The following FRMD6 variants were observed in gnomAD, a reference collection of about 807,000 sequenced individuals.
FRMD6 encodes FERM domain-containing protein 6.
Under a neutral mutation model 73.2 loss-of-function variants are expected in FRMD6, and 37 were observed. That is an observed-to-expected ratio of 0.51 (90% CI 0.39 to 0.66). The LOEUF is 0.66. Ranked by LOEUF, FRMD6 falls within the 30% of genes least tolerant of loss-of-function variation. The pLI, the probability that FRMD6 is intolerant of heterozygous loss-of-function variation, is 0.00. For missense variants in FRMD6, 714 were observed against 780.5 expected (o/e 0.91, Z 1.02); for synonymous variants, 273 against 282.2 (o/e 0.97, Z 0.33).
intron 2 of FRMD6, among the ~76,000 whole-genome samples, chr14:51,641,221 T>G (rs1445225286): frequency 6.6e-6 from 1 of 152,200 alleles, no homozygotes; most frequent in Non-Finnish European, 1.5e-5. Flanking sequence ...CCTCAAGTGA[T>G]CCATTCGCCT....
chr14:51,585,939 G>GTGTGTGTGTGTGTGTGTATA lies in FRMD6; in HGVS notation c.-147+15530_-147+15531insGTGTGTGTGTGTGTGTATAT. ...TGCCATGGCATGTGTGTGTGTGTGT[G>GTGTGTGTGTGTGTGTGTATA]TATATATATATATATATATATAACA... On this transcript the variant is annotated intron_variant, in intron 2 of 14. Transcript: ENST00000356218. 7.2e-3 allele frequency among the ~76,000 whole-genome samples: 227 copies of GTGTGTGTGTGTGTGTGTATA among 31,392 alleles called. 33 individuals are homozygous for GTGTGTGTGTGTGTGTGTATA. The highest frequency in any genetic ancestry group is 0.018 in the Non-Finnish European group (189 of 10,374). 20.6% of individuals were successfully genotyped at this position (31,392 alleles called of 152,430 possible).
upstream of FRMD6, among the ~76,000 whole-genome samples, chr14:51,488,102 C>T (rs116498708): frequency 0.02 from 3,017 of 152,222 alleles, 108 homozygotes; most frequent in African/African-American, 0.069. Flanking sequence ...CACCAGCAGC[C>T]CTAGGCTCTG....
At chr14:51,606,861 T>A (rs1890279102) in intron 2 of FRMD6, among the ~76,000 whole-genome samples, 1 of 152,116 alleles carries the variant, frequency 6.6e-6, no homozygotes, top group Non-Finnish European at 1.5e-5. Flanking sequence ...ATGCTCAGTC[T>A]GAGGCCAAAG....
chr14:51,568,613 A>G (rs1009104112), intron 1 of FRMD6, among the ~76,000 whole-genome samples: 2 of 152,200 alleles, frequency 1.3e-5, no homozygotes, highest in Non-Finnish European at 2.9e-5. Context: ...AGGCTGCCCA[A>G]GGATGGTTCT....
At chr14:51,452,863 A>G in the FRMD6 span, among the ~76,000 whole-genome samples, 2 of 152,206 alleles carry the variant, frequency 1.3e-5, no homozygotes. Flanking sequence ...GGTCAACGGC[A>G]AGGAAGATGT....
intron 1 of FRMD6, among the ~76,000 whole-genome samples, chr14:51,683,029 C>T (rs980103933): frequency 7.5e-4 from 114 of 152,156 alleles, no homozygotes; most frequent in African/African-American, 2.7e-3. Context: ...CACATTTCAA[C>T]CCATACACCC....
chr14:51,725,954 C>A, intron 13 of FRMD6, 84 bp downstream of exon 13: 1 of 910,774 alleles, frequency 1.1e-6, no homozygotes, highest in Non-Finnish European at 1.8e-6. Flanking sequence ...TACAAATGAG[C>A]AAAAATTAAA....
At chr14:51,468,187 A>G in the FRMD6 span, among the ~76,000 whole-genome samples, 1 of 151,870 alleles carries the variant, frequency 6.6e-6, no homozygotes, top group Non-Finnish European at 1.5e-5. Flanking sequence ...GGCACTCGGC[A>G]GGCTGAGGCA....
chr14:51,544,430 T>A (rs1423142868), intron 1 of FRMD6, among the ~76,000 whole-genome samples: 1 of 152,090 alleles, frequency 6.6e-6, no homozygotes, highest in African/African-American at 2.4e-5. Context: ...CAGAGCCACA[T>A]CAGTTATTAG....
intron 2 of FRMD6, among the ~76,000 whole-genome samples, chr14:51,690,975 A>C (rs960750184): frequency 6.6e-6 from 1 of 152,226 alleles, no homozygotes; most frequent in Non-Finnish European, 1.5e-5. Context: ...TGTTTGAGAT[A>C]TAAAACATTT....
chr14:51,529,370 C>CTCA (rs1885450076), intron 1 of FRMD6, among the ~76,000 whole-genome samples: 1 of 152,152 alleles, frequency 6.6e-6, no homozygotes. Flanking sequence ...ATTAAATGAG[C>CTCA]TCATACATGT....
At chr14:51,449,109 G>C in the FRMD6 span, among the ~76,000 whole-genome samples, 2 of 152,160 alleles carry the variant, frequency 1.3e-5, no homozygotes, top group African/African-American at 4.8e-5. Flanking sequence ...GCAGATGTCT[G>C]ACCCTCAGTT....
chr14:51,612,834 AG>A (rs1382407044), intron 2 of FRMD6, among the ~76,000 whole-genome samples: 2 of 152,234 alleles, frequency 1.3e-5, no homozygotes, highest in African/African-American at 4.8e-5. Context: ...AAGGACAAAA[AG>A]TCAGAGTCAA....
At chr14:51,699,745 T>A (rs1278238363) in intron 3 of FRMD6, among the ~76,000 whole-genome samples, 1 of 152,004 alleles carries the variant, frequency 6.6e-6, no homozygotes, top group Non-Finnish European at 1.5e-5. Context: ...AGTTTAAAAA[T>A]ATATATATGT....
chr14:51,537,544 T>C (rs1006622317), intron 1 of FRMD6, among the ~76,000 whole-genome samples: 4 of 152,224 alleles, frequency 2.6e-5, no homozygotes, highest in African/African-American at 9.6e-5. Flanking sequence ...CTGGATCATA[T>C]GATAAGAGTG....
At chr14:51,574,068 C>T (rs1378311481) in intron 2 of FRMD6, among the ~76,000 whole-genome samples, 2 of 152,196 alleles carry the variant, frequency 1.3e-5, no homozygotes, top group African/African-American at 4.8e-5. Context: ...CACAGGGTGA[C>T]TTCATGCTTC....
the FRMD6 span, among the ~76,000 whole-genome samples, chr14:51,430,536 T>C: frequency 1.3e-5 from 2 of 151,276 alleles, no homozygotes; most frequent in South Asian, 4.2e-4. Context: ...TAATCTGGGG[T>C]AGAAGTTCAT....
In FRMD6 at chr14:51,618,081, T is replaced by C. The variant is rs573450671; in HGVS notation, c.-147+47671T>C. Among the ~76,000 whole-genome samples, 13 of 152,298 alleles carry C rather than the reference T, an allele frequency of 8.5e-5. No homozygotes were observed. In the South Asian group the frequency reaches 2.7e-3, roughly 32 times the overall value. On this transcript the variant is annotated intron_variant, in intron 2 of 14. Transcript: ENST00000356218. ...TGGAATTATATATCATATATACTAA[T>C]GCAGATTGTGGTGAGGGTTTTGAAA... is the stretch of plus-strand genomic sequence containing the variant.
intron 1 of FRMD6, among the ~76,000 whole-genome samples, chr14:51,543,455 C>T (rs186414437): frequency 3.3e-5 from 5 of 152,050 alleles, no homozygotes; most frequent in Admixed American, 2.6e-4. Context: ...TCATGACTTA[C>T]CTGTTATAGT....
Sources: allele counts gnomAD v4.1 joint callset (sites outside exome capture counted in the v4.1 genomes callset), GRCh38; gene constraint gnomAD v4.1.1; transcripts MANE v1.5; gene names NCBI Gene and HGNC (gene_info 2026-07-23, HGNC 2026-07-21).